Variants in DAPK1 observed in about 807,000 individuals in gnomAD.
The protein encoded by DAPK1 is death-associated protein kinase 1.
DAPK1 carries 56 observed loss-of-function variants against 144.9 expected under a neutral mutation model. That is an observed-to-expected ratio of 0.39 (90% CI 0.31 to 0.48). The LOEUF (loss-of-function observed/expected upper bound fraction) is 0.48, where lower values mean the gene tolerates loss of function less well. Among genes scored for constraint, DAPK1 ranks in the 20% least tolerant of loss-of-function variants. DAPK1 has a pLI of 0.95. For missense variants in DAPK1, 1,454 were observed against 1,875.4 expected (o/e 0.78, Z 4.15); for synonymous variants, 690 against 749.0 (o/e 0.92, Z 1.29).
intron 2 of DAPK1, among the ~76,000 whole-genome samples, chr9:87,522,275 A>C (rs116728681): frequency 0.022 from 3,338 of 152,314 alleles, 94 homozygotes; most frequent in African/African-American, 0.073. Context: ...ACATTCACAC[A>C]GTTCGAAAGT....
intron 3 of DAPK1, among the ~76,000 whole-genome samples, chr9:87,617,170 C>G (rs1829126529): frequency 6.6e-6 from 1 of 152,120 alleles, no homozygotes; most frequent in African/African-American, 2.4e-5. Flanking sequence ...GATCTCATGC[C>G]CTCTTTTCTC....
rs776012850 is a variant in DAPK1 at position 87,639,440 on chromosome 9, T to A, written c.510T>A (p.Phe170Leu). 4 of 1,613,612 alleles carry A rather than the reference T, an allele frequency of 2.5e-6. No individual in the cohort carries two copies. The highest frequency in any genetic ancestry group is 3.4e-6 in the Non-Finnish European group (4 of 1,179,938). The change falls in exon 5 of 26, where the codon TTT becomes TTA. Residue 170 changes from phenylalanine (F) to leucine (L), a missense_variant. By Grantham distance (22) the Phe-to-Leu change is conservative. This residue lies in a region of DAPK1 where 429 missense variants were observed against 637.5 expected (regional missense o/e 0.67). Coordinates refer to ENST00000408954, the MANE Select transcript of DAPK1 (RefSeq NM_004938.4). ...IDFGLAHKID[F>L]GNEFKNIFGT... ...TTGGGTTGGCCCATAAAATTGACTT[T>A]GGAAATGAATTTAAAAACATATTTG... is the stretch of plus-strand genomic sequence containing the variant.
At chr9:87,602,528 T>A (rs891080968) in intron 2 of DAPK1, among the ~76,000 whole-genome samples, 1 of 152,214 alleles carries the variant, frequency 6.6e-6, no homozygotes, top group East Asian at 1.9e-4. Flanking sequence ...AAACTTCCAA[T>A]ATAGAACATT....
intron 2 of DAPK1, among the ~76,000 whole-genome samples, chr9:87,508,609 TGG>T (rs1346320739): frequency 6.6e-6 from 1 of 152,180 alleles, no homozygotes; most frequent in Non-Finnish European, 1.5e-5. Flanking sequence ...CCCAAAGTGC[TGG>T]GATTACAGGC....
chr9:87,509,812 C>T (rs1338876036), intron 2 of DAPK1, among the ~76,000 whole-genome samples: 1 of 152,190 alleles, frequency 6.6e-6, no homozygotes, highest in East Asian at 1.9e-4. Context: ...CCTGGGAGCT[C>T]TTCTGGCGTC....
chr9:87,514,826 A>G (rs1412346623), intron 2 of DAPK1, among the ~76,000 whole-genome samples: 2 of 152,250 alleles, frequency 1.3e-5, no homozygotes, highest in Admixed American at 6.5e-5. Context: ...ACAAATGTCT[A>G]TGGAACCCAT....
intron 19 of DAPK1, among the ~76,000 whole-genome samples, chr9:87,675,734 G>C (rs537911196): frequency 6.6e-6 from 1 of 151,938 alleles, no homozygotes; most frequent in African/African-American, 2.4e-5. Flanking sequence ...GACTGGGGCT[G>C]TCCAGGCTCT....
Position 87,699,370 on chromosome 9 carries a change from T to TTTAAG in DAPK1, c.2750+576_2750+577insTTAAG, listed in dbSNP as rs1231084957. ...ATGTCTTACAATATAAGTTGCAACC[T>TTTAAG]ACTAGTGAGTCTTAAAATTCATTTA... On this transcript the variant is annotated intron_variant, in intron 23 of 25. Transcript: ENST00000408954. Among the ~76,000 whole-genome samples the TTTAAG allele has an allele frequency of 1.4e-4, 21 of 152,330 alleles. No homozygotes were observed. In the East Asian group the frequency reaches 3.9e-3, roughly 28 times the overall value.
chr9:87,525,346 C>A (rs1825461351), intron 2 of DAPK1: 1 of 1,610,948 alleles, frequency 6.2e-7, no homozygotes. Context: ...GAAAATTCGG[C>A]CAGGGTTCTC....
At chr9:87,499,429 G>C in intron 2 of DAPK1, 1 of 437,928 alleles carries the variant, frequency 2.3e-6, no homozygotes, top group Non-Finnish European at 4.1e-6. Context: ...GTCAGCCCTT[G>C]CCCTTCTGTG....
chr9:87,698,909 G>T (rs1825366038), intron 23 of DAPK1, 115 bp downstream of exon 23: 3 of 638,780 alleles, frequency 4.7e-6, no homozygotes, highest in East Asian at 2.7e-5. Flanking sequence ...GGTTTTAAAG[G>T]TCTTTCTTTC....
intron 2 of DAPK1, chr9:87,525,611 C>G: frequency 3.0e-6 from 2 of 661,298 alleles, no homozygotes; most frequent in South Asian, 3.7e-5. Flanking sequence ...ATGTCAGTTT[C>G]CAAAAAGAAC....
At chr9:87,575,450 T>C (rs1000369288) in intron 2 of DAPK1, among the ~76,000 whole-genome samples, 1 of 151,952 alleles carries the variant, frequency 6.6e-6, no homozygotes. Flanking sequence ...TGTGTCAGCA[T>C]TGGGTGCTTT....
intron 2 of DAPK1, among the ~76,000 whole-genome samples, chr9:87,587,113 A>G (rs984860863): frequency 6.6e-6 from 1 of 152,240 alleles, no homozygotes; most frequent in African/African-American, 2.4e-5. Flanking sequence ...TAATCGCTGT[A>G]CAGGTTGCCT....
intron 2 of DAPK1, among the ~76,000 whole-genome samples, chr9:87,600,024 C>T (rs1255417487): frequency 6.6e-6 from 1 of 152,154 alleles, no homozygotes; most frequent in African/African-American, 2.4e-5. Context: ...CTTTGTTGTG[C>T]TTAGAAACAC....
intron 2 of DAPK1, among the ~76,000 whole-genome samples, chr9:87,517,527 A>G (rs1164001554): frequency 6.6e-6 from 1 of 151,610 alleles, no homozygotes; most frequent in Non-Finnish European, 1.5e-5. Flanking sequence ...ATCTTGCAAG[A>G]CCCTTCAGAA....
intron 17 of DAPK1, among the ~76,000 whole-genome samples, chr9:87,652,591 T>C (rs71489447): frequency 1.9e-3 from 129 of 69,058 alleles, no homozygotes; most frequent in African/African-American, 4.0e-3. Flanking sequence ...GATTCTGTGT[T>C]CTCTCACCTG....
At chr9:87,525,493 G>A (rs1825472549) in intron 2 of DAPK1, 1 of 1,394,888 alleles carries the variant, frequency 7.2e-7, no homozygotes, top group Non-Finnish European at 1.0e-6. Context: ...TCCTTCAAAG[G>A]ATTATCCAAG....
chr9:87,550,867 G>A lies in DAPK1; in HGVS notation c.62+51728G>A, dbSNP rs138697216. 2.9e-3 allele frequency among the ~76,000 whole-genome samples: 448 copies of A among 152,318 alleles called. 4 individuals are homozygous for A. Among genetic ancestry groups the A allele is most frequent in the African/African-American group, 0.011 (437 of 41,564 alleles). ...TTGATGGGTGCCGTTTTTGGCTGTC[G>A]TGAATAAAGCTGCTAGGAACATTTT... On this transcript the variant is annotated intron_variant, in intron 2 of 25. Transcript: ENST00000408954.
Sources: allele counts gnomAD v4.1 joint callset (sites outside exome capture counted in the v4.1 genomes callset), GRCh38; gene constraint gnomAD v4.1.1; regional missense constraint gnomAD v4.1.1; transcripts MANE v1.5; gene names NCBI Gene and HGNC (gene_info 2026-07-23, HGNC 2026-07-21).